Variants in AFG1L observed in about 807,000 individuals in gnomAD.
The protein encoded by AFG1L is AFG1-like ATPase.
In AFG1L, 53 loss-of-function variants were observed where a neutral mutation model predicts 62.2. That is an observed-to-expected ratio of 0.85 (90% CI 0.68 to 1.07). The LOEUF is 1.07. Among genes scored for constraint, AFG1L ranks in the 50% least tolerant of loss-of-function variants. AFG1L has a pLI of 0.00. For synonymous variants in AFG1L, 228 were observed against 210.3 expected, an observed-to-expected ratio of 1.08 and a Z score of -0.73; for missense variants, 555 against 590.5, an observed-to-expected ratio of 0.94 and a Z score of 0.62.
intron 8 of AFG1L, among the ~76,000 whole-genome samples, chr6:108,450,674 C>T (rs1011511819): frequency 3.3e-5 from 5 of 152,086 alleles, no homozygotes; most frequent in African/African-American, 1.2e-4. Flanking sequence ...AGTCCTTGCC[C>T]ATGCCTATGT....
At chr6:108,387,397 A>G (rs1249644231) in intron 6 of AFG1L, 1 of 152,254 alleles carries the variant, frequency 6.6e-6, no homozygotes, top group Non-Finnish European at 1.5e-5. Flanking sequence ...TCCCCTCTGC[A>G]TGCCCTGCAC....
At chr6:108,454,003 T>C (rs1249161783) in intron 8 of AFG1L, among the ~76,000 whole-genome samples, 1 of 152,218 alleles carries the variant, frequency 6.6e-6, no homozygotes, top group African/African-American at 2.4e-5. Flanking sequence ...GTCATTTGTT[T>C]CAATACGTTG....
intron 8 of AFG1L, among the ~76,000 whole-genome samples, chr6:108,462,777 G>GTA (rs1257770486): frequency 3.3e-5 from 5 of 152,034 alleles, no homozygotes; most frequent in Admixed American, 2.0e-4. Flanking sequence ...TAATAATTGT[G>GTA]TATATATATA....
chr6:108,444,299 T>C (rs1292224150), intron 7 of AFG1L, among the ~76,000 whole-genome samples: 1 of 152,212 alleles, frequency 6.6e-6, no homozygotes, highest in Non-Finnish European at 1.5e-5. Context: ...AAAAATACTT[T>C]ATTGCTAAAA....
At chr6:108,357,158 G>A (rs974499275) in intron 5 of AFG1L, among the ~76,000 whole-genome samples, 1 of 151,592 alleles carries the variant, frequency 6.6e-6, no homozygotes, top group African/African-American at 2.4e-5. Flanking sequence ...CATAATCAAA[G>A]CTCATTATAA....
chr6:108,362,945 T>A (rs1779603355), intron 5 of AFG1L, among the ~76,000 whole-genome samples: 1 of 152,202 alleles, frequency 6.6e-6, no homozygotes, highest in Admixed American at 6.5e-5. Flanking sequence ...TTAGTGACAG[T>A]ATATCTACAA....
intron 11 of AFG1L, among the ~76,000 whole-genome samples, chr6:108,513,893 C>T (rs1049739899): frequency 5.9e-5 from 9 of 152,174 alleles, no homozygotes; most frequent in African/African-American, 1.7e-4. Flanking sequence ...CTCACATGGC[C>T]GGGTACTCCT....
At chr6:108,370,137 T>TG (rs975169534) in intron 6 of AFG1L, among the ~76,000 whole-genome samples, 27 of 3,290 alleles carry the variant, frequency 8.2e-3, no homozygotes, top group Non-Finnish European at 0.055. Context: ...AGGTACAAGT[T>TG]GATCTGTAGA....
intron 10 of AFG1L, among the ~76,000 whole-genome samples, chr6:108,506,109 TG>T (rs1175642416): frequency 6.6e-6 from 1 of 152,204 alleles, no homozygotes; most frequent in African/African-American, 2.4e-5. Flanking sequence ...CATGGGTAAT[TG>T]GTTCCAGGAC....
chr6:108,409,866 A>G (rs1020578965), intron 7 of AFG1L, among the ~76,000 whole-genome samples: 11 of 152,212 alleles, frequency 7.2e-5, no homozygotes, highest in Admixed American at 2.0e-4. Flanking sequence ...GACAGCAGAG[A>G]TCATACATTC....
Position 108,399,178 on chromosome 6 carries a change from G to GT in AFG1L, c.749-2790dup, listed in dbSNP as rs57304886. Among the ~76,000 whole-genome samples, 231 of 62,220 alleles carry GT rather than the reference G, an allele frequency of 3.7e-3. 52 individuals are homozygous for GT. The highest frequency in any genetic ancestry group is 0.015 in the African/African-American group (219 of 14,914). The allele number at this position is 62,220 out of a possible 152,430, so 40.8% of individuals were successfully genotyped here. ...CAAAGATCTGTCACTTCTTTTGTTT[G>GT]TTTTTTTTTTTTTTTTTTTTTTTTT... On this transcript the variant is annotated intron_variant, in intron 6 of 12. Coordinates refer to ENST00000368977, the MANE Select transcript of AFG1L (RefSeq NM_145315.5).
chr6:108,310,575 CTTTTTTTTT>C (rs79088170), intron 1 of AFG1L, among the ~76,000 whole-genome samples: 1 of 132,558 alleles, frequency 7.5e-6, no homozygotes, highest in Non-Finnish European at 1.6e-5. Flanking sequence ...TTTTCACCTT[CTTTTTTTTT>C]TTTTTTTTGA....
intron 1 of AFG1L, among the ~76,000 whole-genome samples, chr6:108,299,191 G>A (rs1776885147): frequency 6.6e-6 from 1 of 152,004 alleles, no homozygotes; most frequent in South Asian, 2.1e-4. Context: ...AACCCAGGCG[G>A]CGGAGGTTGC....
chr6:108,305,287 G>A (rs1777160103), intron 1 of AFG1L, among the ~76,000 whole-genome samples: 1 of 152,196 alleles, frequency 6.6e-6, no homozygotes, highest in South Asian at 2.1e-4. Flanking sequence ...CTGAGATTGT[G>A]CAAAGGGCCT....
chr6:108,497,377 A>G (rs1291572129), intron 10 of AFG1L, among the ~76,000 whole-genome samples: 2 of 152,134 alleles, frequency 1.3e-5, no homozygotes, highest in East Asian at 3.8e-4. Context: ...TCTTTTACTT[A>G]CTATATTCTT....
At chr6:108,408,166 G>A (rs1781946407) in intron 7 of AFG1L, among the ~76,000 whole-genome samples, 1 of 145,334 alleles carries the variant, frequency 6.9e-6, no homozygotes, top group Non-Finnish European at 1.5e-5. Flanking sequence ...TCACTCTGTT[G>A]CCCAGGCTGG....
At chr6:108,324,413 C>T (rs1202286933) in intron 2 of AFG1L, among the ~76,000 whole-genome samples, 1 of 152,176 alleles carries the variant, frequency 6.6e-6, no homozygotes, top group Admixed American at 6.5e-5. Context: ...GTTTGCCTGA[C>T]ATCTCTAGGG....
intron 2 of AFG1L, among the ~76,000 whole-genome samples, chr6:108,325,505 A>G (rs892986544): frequency 6.6e-6 from 1 of 150,508 alleles, no homozygotes; most frequent in Admixed American, 6.7e-5. Flanking sequence ...ATTTATTTAT[A>G]GATGGATTTT....
chr6:108,513,035 G>A (rs1774718399), intron 11 of AFG1L, among the ~76,000 whole-genome samples: 1 of 152,128 alleles, frequency 6.6e-6, no homozygotes, highest in African/African-American at 2.4e-5. Flanking sequence ...TTAAGTACTG[G>A]TGTATTATTA....
Sources: gnomAD v4.1 joint callset for allele counts (sites outside exome capture counted in the v4.1 genomes callset) on GRCh38, gnomAD v4.1.1 for gene constraint, MANE v1.5 for transcripts, NCBI Gene and HGNC (gene_info 2026-07-23, HGNC 2026-07-21) for gene names.